PAAF1: variants seen among roughly 807,000 people sequenced by gnomAD.
The protein encoded by PAAF1 is proteasomal ATPase associated factor 1.
PAAF1 carries 46 observed loss-of-function variants against 52.8 expected under a neutral mutation model. The observed-to-expected ratio is 0.87, with a 90% CI of 0.69 to 1.11. PAAF1 has a LOEUF of 1.11. PAAF1 is among the 50% of genes most tolerant of loss of function. The pLI is 0.00. For missense variants in PAAF1, 424 were observed against 477.4 expected (o/e 0.89, Z 1.04); for synonymous variants, 178 against 172.8 (o/e 1.03, Z -0.24).
chr11:73,900,136 T>A, intron 5 of PAAF1, 134 bp from the exon 6 acceptor site: 1 of 885,020 alleles, frequency 1.1e-6, no homozygotes, highest in Non-Finnish European at 1.7e-6. Context: ...ATCCTTTGGA[T>A]ATCCTTAGTT....
chr11:73,917,838 T>A (rs1224635086), intron 9 of PAAF1, among the ~76,000 whole-genome samples: 2 of 145,644 alleles, frequency 1.4e-5, no homozygotes, highest in Non-Finnish European at 3.0e-5. Context: ...GCCACTGGAC[T>A]CCAGCCTGGG....
At chr11:73,893,658 A>T (rs1949261349) in intron 4 of PAAF1, among the ~76,000 whole-genome samples, 1 of 148,988 alleles carries the variant, frequency 6.7e-6, no homozygotes, top group Non-Finnish European at 1.5e-5. Context: ...AATCGCTTGA[A>T]CGCGGGAGGC....
chr11:73,908,329 A>ATATATATGTGTATATATGTG (rs200366959), intron 6 of PAAF1, among the ~76,000 whole-genome samples: 1 of 145,128 alleles, frequency 6.9e-6, no homozygotes, highest in African/African-American at 2.6e-5. Flanking sequence ...GTATATATGT[A>ATATATATGTGTATATATGTG]TATATATGTG....
chr11:73,927,424 A>G lies in PAAF1; in HGVS notation c.*62A>G. ...TTGACCCTGATCAACAATGAGCAGA[A>G]ACATCATCAGTCCTTCCCAAGGACC... On this transcript the variant is annotated 3_prime_UTR_variant, in exon 12 of 12. Coordinates refer to ENST00000310571, the MANE Select transcript of PAAF1 (RefSeq NM_025155.3). 3.7e-6 allele frequency: 5 copies of G among 1,346,616 alleles called. No homozygotes were observed. The South Asian group carries it at 5.9e-5, about 16-fold the overall frequency. The allele number at this position is 1,346,616 out of a possible 1,614,324, so 83.4% of individuals were successfully genotyped here. A position where few individuals can be genotyped will look rare whatever the true frequency, so the allele number is the denominator to read the frequency against.
chr11:73,901,113 A>G (rs2135177901), intron 6 of PAAF1, among the ~76,000 whole-genome samples: 1 of 150,726 alleles, frequency 6.6e-6, no homozygotes, highest in South Asian at 2.1e-4. Context: ...AGAAAAGGAG[A>G]TGTGTCTGCA....
chr11:73,892,239 C>T (rs1395884599), intron 4 of PAAF1, among the ~76,000 whole-genome samples: 1 of 149,684 alleles, frequency 6.7e-6, no homozygotes, highest in Non-Finnish European at 1.5e-5. Context: ...AGGAGGATTG[C>T]TTGAGCCCAG....
chr11:73,922,981 G>A (rs907880809), intron 10 of PAAF1, among the ~76,000 whole-genome samples: 1 of 152,068 alleles, frequency 6.6e-6, no homozygotes, highest in Non-Finnish European at 1.5e-5. Context: ...AGAATGGCAC[G>A]ATGAACCTGT....
chr11:73,898,055 C>G (rs963296681), intron 4 of PAAF1, among the ~76,000 whole-genome samples: 1 of 152,152 alleles, frequency 6.6e-6, no homozygotes, highest in African/African-American at 2.4e-5. Flanking sequence ...TGGCGGCGCG[C>G]GCCTGCAATT....
At chr11:73,904,702 C>T (rs1949713796) in intron 6 of PAAF1, among the ~76,000 whole-genome samples, 1 of 152,166 alleles carries the variant, frequency 6.6e-6, no homozygotes, top group South Asian at 2.1e-4. Flanking sequence ...ATATTGCTCC[C>T]TAGCAACATT....
intron 7 of PAAF1, among the ~76,000 whole-genome samples, chr11:73,912,481 C>T (rs1357442656): frequency 6.6e-6 from 1 of 152,146 alleles, no homozygotes; most frequent in Non-Finnish European, 1.5e-5. Flanking sequence ...TCATCTCTAA[C>T]TTCAAAGTGT....
In PAAF1 at chr11:73,908,401, G is replaced by GTGTGTA. The variant is rs1565143969; in HGVS notation, c.533-997_533-996insGTGTAT. ...TATATATGTGTGTATATATATATGTGTATATATATGTGTGTATATATATAT... is the reference window on the plus strand; with the variant it reads ...TATATATGTGTGTATATATATATGTGTGTGTATATATATATGTGTGTATATATATAT... On this transcript the variant is annotated intron_variant, in intron 6 of 11. Transcript: ENST00000310571. Among the ~76,000 whole-genome samples, 4 of 146,568 alleles carry GTGTGTA rather than the reference G, an allele frequency of 2.7e-5. No homozygotes were observed. The East Asian group carries it at 7.8e-4, about 29-fold the overall frequency.
chr11:73,893,021 C>T (rs1465658060), intron 4 of PAAF1, among the ~76,000 whole-genome samples: 1 of 152,082 alleles, frequency 6.6e-6, no homozygotes, highest in Admixed American at 6.6e-5. Flanking sequence ...TTCAATGTAT[C>T]CTTCTAAGAG....
intron 4 of PAAF1, among the ~76,000 whole-genome samples, chr11:73,898,044 G>A (rs1949468683): frequency 2.0e-5 from 3 of 152,318 alleles, no homozygotes; most frequent in South Asian, 2.1e-4. Flanking sequence ...CCAGTCAGGC[G>A]TGGCGGCGCG....
At chr11:73,890,574 T>C (rs1451198442) in intron 3 of PAAF1, among the ~76,000 whole-genome samples, 2 of 152,236 alleles carry the variant, frequency 1.3e-5, no homozygotes, top group Non-Finnish European at 2.9e-5. Context: ...TTTATGGGTG[T>C]ACCATAATTT....
At chr11:73,876,822 T>G (rs534910737), upstream of PAAF1, 21 of 457,122 alleles carry the variant, frequency 4.6e-5, no homozygotes, top group Admixed American at 4.5e-5. Context: ...TCGCAGGCGG[T>G]TGGGGATCCT....
At chr11:73,889,372 G>A (rs1179517629) in intron 3 of PAAF1, 4 of 545,358 alleles carry the variant, frequency 7.3e-6, no homozygotes, top group East Asian at 3.4e-5. Flanking sequence ...TAACCCTGGA[G>A]CATAAAAATG....
At chr11:73,883,966 G>A (rs1168112240) in intron 2 of PAAF1, among the ~76,000 whole-genome samples, 1 of 152,124 alleles carries the variant, frequency 6.6e-6, no homozygotes, top group East Asian at 1.9e-4. Context: ...AGATTTTGAT[G>A]GCAGGATAGA....
At chr11:73,917,123 C>T (rs1337789464) in intron 9 of PAAF1, among the ~76,000 whole-genome samples, 1 of 152,104 alleles carries the variant, frequency 6.6e-6, no homozygotes, top group African/African-American at 2.4e-5. Flanking sequence ...CGGGTTCAAG[C>T]AATTCTCCTG....
At chr11:73,898,152 C>CAGAGGGAGACCGTGGAAAGAGAGGG (rs1226389224) in intron 4 of PAAF1, among the ~76,000 whole-genome samples, 1 of 138,296 alleles carries the variant, frequency 7.2e-6, no homozygotes, top group Admixed American at 8.0e-5. Context: ...AGCTGGGCAT[C>CAGAGGGAGACCGTGGAAAGAGAGGG]AGAGGGAGAC....
Sources: allele counts gnomAD v4.1 joint callset (sites outside exome capture counted in the v4.1 genomes callset), GRCh38; gene constraint gnomAD v4.1.1; transcripts MANE v1.5; gene names NCBI Gene and HGNC (gene_info 2026-07-23, HGNC 2026-07-21).